PRKN: variants seen among roughly 807,000 people sequenced by gnomAD.
PRKN encodes the protein E3 ubiquitin-protein ligase parkin.
PRKN carries 56 observed loss-of-function variants against 59.5 expected under a neutral mutation model. The observed-to-expected ratio is 0.94, with a 90% CI of 0.76 to 1.18. The LOEUF is 1.18. PRKN is among the 50% of genes most tolerant of loss of function. The pLI is 0.00. For missense variants in PRKN, 657 were observed against 596.4 expected (o/e 1.10, Z -1.06); for synonymous variants, 250 against 222.1 (o/e 1.13, Z -1.12).
chr6:162,563,872 T>A (rs148216524), intron 1 of PRKN, among the ~76,000 whole-genome samples: 1 of 152,052 alleles, frequency 6.6e-6, no homozygotes, highest in African/African-American at 2.4e-5. Context: ...AAAAACACAA[T>A]TGGCATACTG....
At chr6:161,757,886 T>TATATACACACACACAC (rs1416363617) in intron 7 of PRKN, among the ~76,000 whole-genome samples, 22 of 116,230 alleles carry the variant, frequency 1.9e-4, no homozygotes, top group African/African-American at 7.6e-4. Flanking sequence ...TATATATATA[T>TATATACACACACACAC]ACACACACAC....
intron 9 of PRKN, among the ~76,000 whole-genome samples, chr6:161,532,790 G>C (rs1322656665): frequency 2.0e-5 from 3 of 152,086 alleles, no homozygotes; most frequent in African/African-American, 7.2e-5. Flanking sequence ...TGGGATATCT[G>C]AGTCAAGAAG....
At chr6:161,793,612 T>G (rs1415451084) in intron 6 of PRKN, among the ~76,000 whole-genome samples, 1 of 150,546 alleles carries the variant, frequency 6.6e-6, no homozygotes, top group Non-Finnish European at 1.5e-5. Flanking sequence ...GTCTATAGAG[T>G]TGAAGACAAA....
At chr6:162,053,080 T>C (rs1338327467) in intron 5 of PRKN, among the ~76,000 whole-genome samples, 1 of 152,188 alleles carries the variant, frequency 6.6e-6, no homozygotes, top group Non-Finnish European at 1.5e-5. Context: ...GTGAGTGACA[T>C]ACAAGTCATT....
intron 7 of PRKN, among the ~76,000 whole-genome samples, chr6:161,653,993 G>C (rs1365585268): frequency 3.8e-5 from 5 of 130,096 alleles, no homozygotes; most frequent in Non-Finnish European, 7.9e-5. Context: ...TTAGATAACT[G>C]AATAAAATGC....
intron 3 of PRKN, among the ~76,000 whole-genome samples, chr6:162,245,271 C>G (rs1779152188): frequency 6.6e-6 from 1 of 152,074 alleles, no homozygotes; most frequent in Admixed American, 6.6e-5. Context: ...GTGGAGCAGA[C>G]AACCTCAAAT....
At chr6:162,364,479 AAAAT>A (rs1431768315) in intron 2 of PRKN, among the ~76,000 whole-genome samples, 1 of 152,198 alleles carries the variant, frequency 6.6e-6, no homozygotes, top group African/African-American at 2.4e-5. Context: ...ATAAAAACAT[AAAAT>A]AAATAAAATA....
intron 4 of PRKN, among the ~76,000 whole-genome samples, chr6:162,133,377 A>G (rs1363440567): frequency 6.6e-6 from 1 of 152,156 alleles, no homozygotes; most frequent in Non-Finnish European, 1.5e-5. Context: ...GGACTTGAAG[A>G]TATTTGTCCT....
chr6:161,946,827 G>A (rs1779800444), intron 6 of PRKN, among the ~76,000 whole-genome samples: 1 of 152,172 alleles, frequency 6.6e-6, no homozygotes, highest in Non-Finnish European at 1.5e-5. Context: ...ATAAATTACA[G>A]TACAATGGAA....
chr6:162,150,125 T>C (rs1343225105), intron 4 of PRKN, among the ~76,000 whole-genome samples: 1 of 152,076 alleles, frequency 6.6e-6, no homozygotes, highest in African/African-American at 2.4e-5. Context: ...ACCAAACACA[T>C]CCACTACCAT....
At chr6:161,555,852 A>C (rs1356913826) in intron 8 of PRKN, among the ~76,000 whole-genome samples, 1 of 151,574 alleles carries the variant, frequency 6.6e-6, no homozygotes, top group Non-Finnish European at 1.5e-5. Flanking sequence ...AGTGACAATT[A>C]ATTAAATAAT....
intron 6 of PRKN, among the ~76,000 whole-genome samples, chr6:161,831,410 C>T (rs561604436): frequency 3.9e-5 from 6 of 152,328 alleles, no homozygotes; most frequent in Admixed American, 1.3e-4. Context: ...AAAATCAACA[C>T]GAAGTGACAG....
intron 2 of PRKN, among the ~76,000 whole-genome samples, chr6:162,285,637 T>C (rs1015018847): frequency 1.3e-5 from 2 of 152,162 alleles, no homozygotes; most frequent in African/African-American, 4.8e-5. Context: ...TTACATATTA[T>C]TTGTAATCAT....
At position 162,589,721 on chromosome 6, in the gene PRKN, T is replaced by C. The variant is rs567847909; in HGVS notation, c.7+137941A>G. On this transcript the variant is annotated intron_variant, in intron 1 of 11. Transcript: ENST00000366898. ...GAGATACACTTAGGCTTATTGTTGA[T>C]ATTTGCATTTGTATTCTCAATACTT... Among the ~76,000 whole-genome samples the C allele has an allele frequency of 2.3e-4, 35 of 152,354 alleles. 1 individual carries two copies. In the South Asian group the frequency reaches 6.8e-3, roughly 30 times the overall value.
At chr6:162,182,666 C>G (rs1052917367) in intron 4 of PRKN, among the ~76,000 whole-genome samples, 1 of 152,212 alleles carries the variant, frequency 6.6e-6, no homozygotes, top group African/African-American at 2.4e-5. Context: ...GGGAATTTTT[C>G]TCTTATTAAA....
At chr6:162,154,054 C>G (rs1782392198) in intron 4 of PRKN, among the ~76,000 whole-genome samples, 1 of 152,190 alleles carries the variant, frequency 6.6e-6, no homozygotes, top group South Asian at 2.1e-4. Context: ...CCTGCCTTGT[C>G]TGCCAAGAGT....
chr6:162,016,251 GAATTT>G (rs1274128734), intron 5 of PRKN, among the ~76,000 whole-genome samples: 6 of 152,062 alleles, frequency 3.9e-5, no homozygotes, highest in African/African-American at 1.4e-4. Flanking sequence ...TCACATACAT[GAATTT>G]AATTCAAATT....
Position 161,576,291 on chromosome 6 carries a change from CT to C in PRKN, c.872-6876del, listed in dbSNP as rs1325923773. Among the ~76,000 whole-genome samples, 1 of 152,206 alleles carries C rather than the reference CT, an allele frequency of 6.6e-6. No individual in the cohort carries two copies. The highest frequency in any genetic ancestry group is 1.5e-5 in the Non-Finnish European group (1 of 68,038). On this transcript the variant is annotated intron_variant, in intron 7 of 11. Coordinates refer to ENST00000366898, the MANE Select transcript of PRKN (RefSeq NM_004562.3). The surrounding 1 kb of genome is among the most constrained non-coding windows in gnomAD (Gnocchi z 4.6). ...ATTTATAAAGGATTATTCATGCATT[CT>C]TTCTCCGTAGCCAATACTTGCTGTC...
chr6:162,355,409 A>ATC (rs1158324933), intron 2 of PRKN, among the ~76,000 whole-genome samples: 1,837 of 151,712 alleles, frequency 0.012, 35 homozygotes, highest in African/African-American at 0.041. Flanking sequence ...CTATCTATCT[A>ATC]TATATATATA....
Sources: gnomAD v4.1 joint callset for allele counts (sites outside exome capture counted in the v4.1 genomes callset) on GRCh38, gnomAD v4.1.1 for gene constraint, Gnocchi (gnomAD v3.1) non-coding constraint, MANE v1.5 for transcripts, NCBI Gene and HGNC (gene_info 2026-07-23, HGNC 2026-07-21) for gene names.